FRMD4A: variants seen among roughly 807,000 people sequenced by gnomAD.
FRMD4A encodes FERM domain-containing protein 4A.
In FRMD4A, 29 loss-of-function variants were observed where a neutral mutation model predicts 129.1. The ratio of observed to expected loss-of-function variants is 0.22; its 90% CI spans 0.17 to 0.31. The LOEUF (loss-of-function observed/expected upper bound fraction) is 0.31, where lower values mean the gene tolerates loss of function less well. FRMD4A is among the 10% of genes least tolerant of loss of function. The probability of loss-of-function intolerance (pLI) is 1.00; values close to 1 mark genes in which losing one functional copy is unlikely to be tolerated. For missense variants in FRMD4A, 1,272 were observed against 1,375.8 expected (o/e 0.92, Z 1.19); for synonymous variants, 634 against 571.6 (o/e 1.11, Z -1.56).
chr10:14,098,706 C>T (rs897863783), intron 2 of FRMD4A, among the ~76,000 whole-genome samples: 1 of 152,154 alleles, frequency 6.6e-6, no homozygotes, highest in Non-Finnish European at 1.5e-5. Flanking sequence ...CCGCGCCCAG[C>T]CTGAATATGG....
At chr10:14,290,349 A>T (rs1845812699) in intron 2 of FRMD4A, among the ~76,000 whole-genome samples, 1 of 152,140 alleles carries the variant, frequency 6.6e-6, no homozygotes, top group African/African-American at 2.4e-5. Context: ...TATAATAATT[A>T]AAACAGTATG....
At chr10:13,941,515 T>C (rs1183729211) in intron 2 of FRMD4A, among the ~76,000 whole-genome samples, 1 of 152,208 alleles carries the variant, frequency 6.6e-6, no homozygotes, top group Non-Finnish European at 1.5e-5. Context: ...CAAGGAACTA[T>C]GAAGGCTCAA....
chr10:13,698,943 T>G (rs2086507408), intron 14 of FRMD4A, among the ~76,000 whole-genome samples: 3 of 152,198 alleles, frequency 2.0e-5, no homozygotes, highest in Admixed American at 6.5e-5. Context: ...TTTTCTTCAG[T>G]CCCCAAGGGT....
intron 2 of FRMD4A, among the ~76,000 whole-genome samples, chr10:14,133,351 G>T (rs912054420): frequency 6.6e-6 from 1 of 152,184 alleles, no homozygotes; most frequent in East Asian, 1.9e-4. Context: ...TATTAGGTTG[G>T]TGAAAAAGTA....
intron 3 of FRMD4A, among the ~76,000 whole-genome samples, chr10:13,852,679 G>C (rs967929488): frequency 3.9e-5 from 6 of 152,140 alleles, no homozygotes; most frequent in Non-Finnish European, 7.3e-5. Flanking sequence ...TTCATAGGAA[G>C]TCTTCACAAG....
chr10:13,972,054 G>C, intron 2 of FRMD4A: 1 of 1,151,946 alleles, frequency 8.7e-7, no homozygotes, highest in East Asian at 6.0e-5. Context: ...TTTTCTCCTT[G>C]TCTCTGGGGA....
intron 2 of FRMD4A, among the ~76,000 whole-genome samples, chr10:14,175,786 A>G (rs1564364573): frequency 6.6e-6 from 1 of 152,098 alleles, no homozygotes; most frequent in Non-Finnish European, 1.5e-5. Context: ...CAGCCTCTCA[A>G]AGTGTTGGGA....
intron 2 of FRMD4A, among the ~76,000 whole-genome samples, chr10:14,147,656 G>A (rs1173168728): frequency 6.6e-6 from 1 of 152,108 alleles, no homozygotes; most frequent in East Asian, 1.9e-4. Context: ...GTTCACAACA[G>A]GGTCTGCACT....
intron 2 of FRMD4A, among the ~76,000 whole-genome samples, chr10:14,236,596 G>A (rs1223658413): frequency 6.6e-6 from 1 of 152,096 alleles, no homozygotes; most frequent in Non-Finnish European, 1.5e-5. Context: ...GACCAGACAA[G>A]GGCTTCCAAT....
chr10:13,765,106 T>G (rs2092234596), intron 6 of FRMD4A, among the ~76,000 whole-genome samples: 1 of 143,046 alleles, frequency 7.0e-6, no homozygotes, highest in Non-Finnish European at 1.5e-5. Context: ...GATTGATTTT[T>G]TTTTTTTGTT....
rs72780855 is a variant in FRMD4A at position 14,324,637 on chromosome 10, G to C, written c.45+5421C>G. ...TGCATGAACCATCATGAAAACTTGA[G>C]TACTATCTTAATGCTATTTATTTAT... is the stretch of plus-strand genomic sequence containing the variant. On this transcript the variant is annotated intron_variant, in intron 2 of 24. Coordinates refer to ENST00000357447, the MANE Select transcript of FRMD4A (RefSeq NM_018027.5). 6.7e-3 allele frequency among the ~76,000 whole-genome samples: 820 copies of C among 122,112 alleles called. 16 individuals are homozygous for C. The East Asian group carries it at 0.071, about 11-fold the overall frequency. The allele number at this position is 122,112 out of a possible 152,430, so 80.1% of individuals were successfully genotyped here. A position where few individuals can be genotyped will look rare whatever the true frequency, so the allele number is the denominator to read the frequency against.
Position 14,162,293 on chromosome 10 carries a change from A to G in FRMD4A, c.45+167765T>C, listed in dbSNP as rs577872701. Among the ~76,000 whole-genome samples, 14 of 152,276 alleles carry G rather than the reference A, an allele frequency of 9.2e-5. No homozygotes were observed. The South Asian group carries it at 2.7e-3, about 29-fold the overall frequency. On this transcript the variant is annotated intron_variant, in intron 2 of 24. Coordinates refer to ENST00000357447, the MANE Select transcript of FRMD4A (RefSeq NM_018027.5). The stretch of plus-strand genomic sequence containing the variant: ...CCACCCAAGAAGCCATAAAGCTGGG[A>G]TGTGTCTACTTCTGGTAAATTGTGA...
chr10:13,888,231 T>C (rs1053840791), intron 2 of FRMD4A, among the ~76,000 whole-genome samples: 11 of 152,228 alleles, frequency 7.2e-5, no homozygotes, highest in Non-Finnish European at 1.0e-4. Flanking sequence ...ATCAGATTTT[T>C]TAGCAGCCAC....
chr10:14,029,058 T>C (rs1176934816), intron 2 of FRMD4A, among the ~76,000 whole-genome samples: 1 of 152,250 alleles, frequency 6.6e-6, no homozygotes, highest in Non-Finnish European at 1.5e-5. Flanking sequence ...TGACACACTC[T>C]ATACGGTAGG....
chr10:14,075,876 C>G (rs1399637270), intron 2 of FRMD4A, among the ~76,000 whole-genome samples: 1 of 152,210 alleles, frequency 6.6e-6, no homozygotes, highest in African/African-American at 2.4e-5. Flanking sequence ...AAGCTTCCCC[C>G]AGTTACAGGA....
chr10:14,142,830 G>A (rs1312654755), intron 2 of FRMD4A, among the ~76,000 whole-genome samples: 1 of 152,106 alleles, frequency 6.6e-6, no homozygotes, highest in Non-Finnish European at 1.5e-5. Context: ...TTAAAAAATG[G>A]GCAAAGGACT....
At chr10:14,049,538 A>G (rs1475600096) in intron 2 of FRMD4A, among the ~76,000 whole-genome samples, 1 of 152,202 alleles carries the variant, frequency 6.6e-6, no homozygotes, top group Non-Finnish European at 1.5e-5. Flanking sequence ...AATGTCGTAA[A>G]GTAAATATTT....
chr10:13,924,578 C>T (rs2131267294), intron 2 of FRMD4A, among the ~76,000 whole-genome samples: 1 of 152,290 alleles, frequency 6.6e-6, no homozygotes, highest in Non-Finnish European at 1.5e-5. Context: ...AAACCACATT[C>T]TTTTCACATT....
chr10:13,707,818 C>G (rs1296463843), intron 12 of FRMD4A: 33 of 985,332 alleles, frequency 3.3e-5, no homozygotes, highest in Non-Finnish European at 3.7e-5. Flanking sequence ...CTCCCTCAAG[C>G]TTGGCCAGGG....
Sources: gnomAD v4.1 joint callset for allele counts (sites outside exome capture counted in the v4.1 genomes callset) on GRCh38, gnomAD v4.1.1 for gene constraint, MANE v1.5 for transcripts, NCBI Gene and HGNC (gene_info 2026-07-23, HGNC 2026-07-21) for gene names.